Variants in TUT1 observed in about 807,000 individuals in gnomAD.
TUT1 encodes the protein speckle targeted PIP5K1A-regulated poly(A) polymerase.
TUT1 carries 26 observed loss-of-function variants against 48.8 expected under a neutral mutation model. That is an observed-to-expected ratio of 0.53 (90% CI 0.39 to 0.74). TUT1 has a LOEUF of 0.74. TUT1 is among the 30% of genes least tolerant of loss of function. TUT1 has a pLI of 0.00. For missense variants in TUT1, 1,065 were observed against 1,114.8 expected (o/e 0.96, Z 0.64); for synonymous variants, 470 against 460.8 (o/e 1.02, Z -0.26).
intron 1 of TUT1, among the ~76,000 whole-genome samples, chr11:62,590,811 CAA>C (rs34251910): frequency 1.0e-3 from 140 of 139,812 alleles, no homozygotes; most frequent in East Asian, 3.2e-3. Context: ...GACCTTGTCT[CAA>C]AAAAAAAAAA....
At position 62,578,804 on chromosome 11, in the gene TUT1, G is replaced by A; in HGVS notation, c.917C>T (p.Pro306Leu). The change falls in exon 5 of 9, where the codon CCT becomes CTT. Residue 306 changes from proline to leucine, a missense_variant. By Grantham distance (98) the Pro-to-Leu change is moderately conservative. Coordinates refer to ENST00000476907, the MANE Select transcript of TUT1 (RefSeq NM_022830.3). Reference protein sequence around the residue: ...SETLASPQSLPPASPLLEDRE... With the variant: ...SETLASPQSLLPASPLLEDRE... ...GTCCTCTAGCAGTGGTGAAGCTGGAGGCAGAGACTGGGGAGAAGCAAGGGT... is the reference window on the plus strand; with the variant it reads ...GTCCTCTAGCAGTGGTGAAGCTGGAAGCAGAGACTGGGGAGAAGCAAGGGT... The A allele has an allele frequency of 6.2e-7, 1 of 1,614,158 alleles. No homozygotes were observed. The highest frequency in any genetic ancestry group is 8.5e-7 in the Non-Finnish European group (1 of 1,180,040).
At position 62,589,017 on chromosome 11, in the gene TUT1, G is replaced by C. The variant is rs775223945; in HGVS notation, c.273+14C>G. On this transcript the variant is annotated intron_variant, in intron 2 of 8. Coordinates refer to ENST00000476907, the MANE Select transcript of TUT1 (RefSeq NM_022830.3). ...CACTGATTCATTCTTTAACCCGAGA[G>C]CCATTCACTTTACCTTGTCCTTGTC... 13 of 1,608,768 alleles carry C rather than the reference G, an allele frequency of 8.1e-6. No homozygotes were observed. Among genetic ancestry groups the C allele is most frequent in the Non-Finnish European group, 1.0e-5 (12 of 1,175,638 alleles).
At chr11:62,587,251 G>A (rs758520522) in intron 2 of TUT1, among the ~76,000 whole-genome samples, 2 of 152,004 alleles carry the variant, frequency 1.3e-5, no homozygotes, top group Non-Finnish European at 2.9e-5. Context: ...GCGCGATGTC[G>A]GCTCAAGGCA....
rs762949129 is a variant in TUT1 at position 62,577,208 on chromosome 11, CAGCGG to C, written c.1239_1243del (p.Arg414LeufsTer16). 11 of 1,609,774 alleles carry C rather than the reference CAGCGG, an allele frequency of 6.8e-6. No homozygotes were observed. Among genetic ancestry groups the C allele is most frequent in the Non-Finnish European group, 8.5e-7 (1 of 1,178,698 alleles). ...TGACAGCCCCCGACCCTGAGCCCAG[CAGCGG>C]AGGGTGTACACGAGGGGCCGGACTC... On this transcript the variant is annotated frameshift_variant, in exon 6 of 9. Coordinates refer to ENST00000476907, the MANE Select transcript of TUT1 (RefSeq NM_022830.3). LOFTEE classifies it high-confidence loss of function.
At chr11:62,586,009 G>T in intron 2 of TUT1, among the ~76,000 whole-genome samples, 1 of 152,242 alleles carries the variant, frequency 6.6e-6, no homozygotes, top group Non-Finnish European at 1.5e-5. Flanking sequence ...GGCTGAGGCA[G>T]GAGAATCACT....
intron 4 of TUT1, among the ~76,000 whole-genome samples, chr11:62,580,149 A>G (rs1339324930): frequency 6.6e-6 from 1 of 151,900 alleles, no homozygotes; most frequent in African/African-American, 2.4e-5. Flanking sequence ...GAATCTGTAC[A>G]TTAGATGTTA....
At position 62,586,842 on chromosome 11, in the gene TUT1, T is replaced by C. The variant is rs1225033109; in HGVS notation, c.273+2189A>G. On this transcript the variant is annotated intron_variant, in intron 2 of 8. Coordinates refer to ENST00000476907, the MANE Select transcript of TUT1 (RefSeq NM_022830.3). ...GAGGCGGGAGAATTGCTTGCTGGGA[T>C]TACAGGCGCCTGCCACCACACCCAG... is the stretch of plus-strand genomic sequence containing the variant. Among the ~76,000 whole-genome samples, 3 of 150,140 alleles carry C rather than the reference T, an allele frequency of 2.0e-5. No homozygotes were observed. In the East Asian group the frequency reaches 6.2e-4, roughly 31 times the overall value.
chr11:62,589,809 T>C (rs1352623955), intron 1 of TUT1, among the ~76,000 whole-genome samples: 1 of 152,234 alleles, frequency 6.6e-6, no homozygotes, highest in Non-Finnish European at 1.5e-5. Context: ...TATAATATAG[T>C]GATGTCAAAG....
intron 6 of TUT1, 78 bp from the exon 7 acceptor site, chr11:62,577,095 G>T: frequency 6.3e-7 from 1 of 1,582,412 alleles, no homozygotes; most frequent in Non-Finnish European, 8.7e-7. Context: ...CAACCCCGGT[G>T]CCCATTCTGA....
In TUT1 at chr11:62,577,666, GGA is replaced by G. The variant is rs1941751947; in HGVS notation, c.1161-377_1161-376del. On this transcript the variant is annotated intron_variant, in intron 5 of 8. Coordinates refer to ENST00000476907, the MANE Select transcript of TUT1 (RefSeq NM_022830.3). Reference sequence around the variant, plus strand: ...GGAAAAGAGAGAGGAAGGAAGGAAAGGAGAGAGGGCAAGGGGCGAAGGGAGGA... The same window carrying G: ...GGAAAAGAGAGAGGAAGGAAGGAAAGGAGAGGGCAAGGGGCGAAGGGAGGA... Among the ~76,000 whole-genome samples the G allele has an allele frequency of 2.6e-5, 4 of 151,678 alleles. No homozygotes were observed. The South Asian group carries it at 8.4e-4, about 32-fold the overall frequency.
intron 2 of TUT1, among the ~76,000 whole-genome samples, chr11:62,586,716 G>A (rs1941921451): frequency 6.6e-6 from 1 of 152,006 alleles, no homozygotes; most frequent in African/African-American, 2.4e-5. Context: ...AGAAGTTCGA[G>A]ACCAGCCTGG....
chr11:62,577,633 CAA>C (rs1941751678), intron 5 of TUT1, among the ~76,000 whole-genome samples: 1 of 145,888 alleles, frequency 6.9e-6, no homozygotes, highest in African/African-American at 2.5e-5. Context: ...TGCAAAGAAA[CAA>C]AGACAGGAAA....
rs1941747086 is a variant in TUT1, at chr11:62,577,386, T to G, written c.1161-95A>C. On this transcript the variant is annotated intron_variant, in intron 5 of 8. Coordinates refer to ENST00000476907, the MANE Select transcript of TUT1 (RefSeq NM_022830.3). ...CCAGACTTGCATAACTGGAGCCAGC[T>G]GGAATAAGGCCAGAACAGTTTCCCC... 1.2e-5 allele frequency: 11 copies of G among 940,428 alleles called. 1 individual carries two copies. In the South Asian group the frequency reaches 1.6e-4, roughly 14 times the overall value. 58.3% of individuals were successfully genotyped at this position (940,428 alleles called of 1,614,324 possible).
rs776133222 is a variant in TUT1, at chr11:62,581,678, C to T, written c.297G>A (p.Met99Ile). 3 of 1,477,152 alleles carry T rather than the reference C, an allele frequency of 2.0e-6. No homozygotes were observed. Among genetic ancestry groups the T allele is most frequent in the Non-Finnish European group, 2.7e-6 (3 of 1,112,674 alleles). The allele number at this position is 1,477,152 out of a possible 1,614,324, so 91.5% of individuals were successfully genotyped here. Reference sequence around the variant, plus strand: ...CAGCCTCTCGAGCACCCACGTCCCCCATCTCCACAATGGCAAACACTCCCT... The same window carrying T: ...CAGCCTCTCGAGCACCCACGTCCCCTATCTCCACAATGGCAAACACTCCCT... ...KDKGVFAIVE[M>I]GDVGAREAVL... The change falls in exon 3 of 9, where the codon ATG becomes ATA. Residue 99 changes from methionine (M) to isoleucine (I), a missense_variant. Met to Ile is a conservative substitution (Grantham distance 10, BLOSUM62 1). Transcript: ENST00000476907.
rs1237018705 is a variant in TUT1, at chr11:62,591,464, C to T, written c.22G>A (p.Val8Ile). 1.9e-6 allele frequency: 3 copies of T among 1,611,534 alleles called. No individual in the cohort carries two copies. The highest frequency in any genetic ancestry group is 2.2e-5 in the East Asian group (1 of 44,762). ...AACCCCCCACGCGGCAGCGATTCGA[C>T]ATCCGAATCCACCGCCGCCATAGCG... MAAVDSD[V>I]ESLPRGGFRC... Residue 8 changes from valine to isoleucine, a missense_variant, in exon 1 of 9, where the codon GTC (valine) becomes ATC (isoleucine). Physicochemically the swap from Val to Ile is conservative, Grantham distance 29. Transcript: ENST00000476907.
At chr11:62,589,315 A>C (rs1362524978) in intron 1 of TUT1, 94 bp from the exon 2 acceptor site, 5 of 1,234,560 alleles carry the variant, frequency 4.1e-6, no homozygotes, top group African/African-American at 1.5e-5. Context: ...GATCCTTCCA[A>C]GCCACAGAAA....
chr11:62,589,443 G>A (rs765985536), intron 1 of TUT1, among the ~76,000 whole-genome samples: 2 of 150,126 alleles, frequency 1.3e-5, no homozygotes, highest in Admixed American at 6.7e-5. Context: ...TCTCACTGTC[G>A]CCCCCGCTGG....
At chr11:62,581,764 A>G (rs1318748870) in intron 2 of TUT1, 63 bp from the exon 3 acceptor site, 2 of 1,268,696 alleles carry the variant, frequency 1.6e-6, no homozygotes, top group Non-Finnish European at 2.1e-6. Context: ...CGAGATCTAC[A>G]GTGGATGAGA....
rs545954629 is a variant in TUT1, at chr11:62,578,313, G to A, written c.1160+248C>T. On this transcript the variant is annotated intron_variant, in intron 5 of 8. Coordinates refer to ENST00000476907, the MANE Select transcript of TUT1 (RefSeq NM_022830.3). ...TGTAGTCCCCGCACTTTGGGAGGCC[G>A]AGGCAGGTGATCACCTGAGGTCGGG... Among the ~76,000 whole-genome samples the A allele has an allele frequency of 5.3e-5, 8 of 152,204 alleles. No homozygotes were observed. In the East Asian group the frequency reaches 9.7e-4, roughly 18 times the overall value.
Sources: gnomAD v4.1 joint callset for allele counts (sites outside exome capture counted in the v4.1 genomes callset) on GRCh38, gnomAD v4.1.1 for gene constraint, MANE v1.5 for transcripts, NCBI Gene and HGNC (gene_info 2026-07-23, HGNC 2026-07-21) for gene names.